SLC15A2: variants seen among roughly 807,000 people sequenced by gnomAD.
SLC15A2 encodes the protein kidney H(+)/peptide cotransporter.
A neutral mutation model predicts 95.5 loss-of-function variants in SLC15A2; 77 were observed. The ratio of observed to expected loss-of-function variants is 0.81; its 90% CI spans 0.67 to 0.97. The LOEUF (loss-of-function observed/expected upper bound fraction) is 0.97. Ranked by LOEUF, SLC15A2 falls within the 50% of genes least tolerant of loss-of-function variation. The pLI, the probability that SLC15A2 is intolerant of heterozygous loss-of-function variation, is 0.00. For missense variants in SLC15A2, 893 were observed against 874.4 expected (o/e 1.02, Z -0.27); for synonymous variants, 306 against 306.9 (o/e 1.00, Z 0.03).
chr3:121,913,119 A>T lies in SLC15A2; in HGVS notation c.527A>T (p.His176Leu). 3.7e-6 allele frequency: 6 copies of T among 1,609,848 alleles called. No homozygotes were observed. Among genetic ancestry groups the T allele is most frequent in the Non-Finnish European group, 5.1e-6 (6 of 1,176,200 alleles). ...AFGGDQFEEK[H>L]AEERTRYFSV... is the part of the protein sequence containing the mutation. ...GGTGGAGACCAGTTTGAAGAAAAAC[A>T]TGTAAGAATCCTGTTATTTTGTATT... The change falls in exon 5 of 22, where the codon CAT (histidine) becomes CTT (leucine). Residue 176 changes from histidine (H) to leucine (L), a missense_variant and splice_region_variant. His to Leu is a moderately conservative substitution (Grantham distance 99, BLOSUM62 -3). Coordinates refer to ENST00000489711, the MANE Select transcript of SLC15A2 (RefSeq NM_021082.4).
chr3:121,912,528 T>C (rs1709789637), intron 4 of SLC15A2, among the ~76,000 whole-genome samples: 1 of 152,210 alleles, frequency 6.6e-6, no homozygotes, highest in African/African-American at 2.4e-5. Flanking sequence ...CCTCTGCACC[T>C]GGCCTTGATA....
intron 21 of SLC15A2, 113 bp downstream of exon 21, chr3:121,940,601 ATGAAATGGG>A: frequency 3.2e-6 from 3 of 952,084 alleles, no homozygotes; most frequent in Non-Finnish European, 4.9e-6. Flanking sequence ...GTGCTGTGAC[ATGAAATGGG>A]TTAGATATAC....
At chr3:121,919,053 A>G (rs1709952817) in intron 7 of SLC15A2, among the ~76,000 whole-genome samples, 1 of 152,074 alleles carries the variant, frequency 6.6e-6, no homozygotes, top group South Asian at 2.1e-4. Flanking sequence ...GTGGCGCCCA[A>G]AAACTCGGAG....
At chr3:121,940,146 C>T (rs1476189173) in intron 20 of SLC15A2, among the ~76,000 whole-genome samples, 4 of 152,098 alleles carry the variant, frequency 2.6e-5, no homozygotes, top group Non-Finnish European at 5.9e-5. Context: ...ACGAATAGAA[C>T]TTATCTCTTA....
Position 121,910,299 on chromosome 3 carries a change from C to T in SLC15A2, c.336-1275C>T, listed in dbSNP as rs546995850. 1.4e-3 allele frequency among the ~76,000 whole-genome samples: 213 copies of T among 150,492 alleles called. 1 individual carries two copies. Among genetic ancestry groups the T allele is most frequent in the Non-Finnish European group, 2.6e-3 (176 of 67,868 alleles). On this transcript the variant is annotated intron_variant, in intron 3 of 21. Transcript: ENST00000489711. ...GCAACCTCTGACTCCCTGGTTCAAGCGATTCTCCTGCCTCAGCCTCCCCGC... is the reference window on the plus strand; with the variant it reads ...GCAACCTCTGACTCCCTGGTTCAAGTGATTCTCCTGCCTCAGCCTCCCCGC...
intron 3 of SLC15A2, among the ~76,000 whole-genome samples, chr3:121,900,708 T>C (rs1709504266): frequency 1.3e-5 from 2 of 152,100 alleles, no homozygotes; most frequent in African/African-American, 4.8e-5. Context: ...TTCCCCACCC[T>C]TTCATGTCCA....
intron 19 of SLC15A2, among the ~76,000 whole-genome samples, chr3:121,932,096 G>T (rs1710245363): frequency 6.6e-6 from 1 of 152,054 alleles, no homozygotes; most frequent in Non-Finnish European, 1.5e-5. Context: ...TAGAGATGGG[G>T]TTTTGCCGTG....
At chr3:121,912,968 C>G (rs1709803759) in intron 4 of SLC15A2, 53 bp from the exon 5 acceptor site, 1 of 1,318,394 alleles carries the variant, frequency 7.6e-7, no homozygotes, top group Non-Finnish European at 1.1e-6. Flanking sequence ...TAGTCCATCT[C>G]TACAGGTGCA....
chr3:121,924,402 G>A lies in SLC15A2; in HGVS notation c.1035+19G>A. ...GATGCAGGTATGTGACTCTTCTATA[G>A]CCATGGGGACTTATTTGTTTCCTTA... On this transcript the variant is annotated intron_variant, in intron 12 of 21. Coordinates refer to ENST00000489711, the MANE Select transcript of SLC15A2 (RefSeq NM_021082.4). 3 of 1,609,844 alleles carry A rather than the reference G, an allele frequency of 1.9e-6. No homozygotes were observed.
At chr3:121,924,461 A>G (rs1219902530) in intron 12 of SLC15A2, 78 bp downstream of exon 12, 2 of 1,242,508 alleles carry the variant, frequency 1.6e-6, no homozygotes, top group East Asian at 2.3e-5. Context: ...ACGATTAACA[A>G]CCATAATTTG....
chr3:121,932,760 A>AT (rs1269305899), intron 19 of SLC15A2, among the ~76,000 whole-genome samples: 1 of 151,856 alleles, frequency 6.6e-6, no homozygotes, highest in Non-Finnish European at 1.5e-5. Flanking sequence ...TTGGTGTGCC[A>AT]TTTTTTTTCT....
Position 121,915,278 on chromosome 3 carries a change from G to C in SLC15A2, c.580G>C (p.Gly194Arg), listed in dbSNP as rs1399081907. The C allele has an allele frequency of 6.2e-7, 1 of 1,613,826 alleles. No individual in the cohort carries two copies. Among genetic ancestry groups the C allele is most frequent in the East Asian group, 2.2e-5 (1 of 44,878 alleles). ...AGTCTTCTACCTGTCCATCAATGCA[G>C]GGAGCTTGATTTCTACATTTATCAC... Reference protein sequence around the residue: ...FSVFYLSINAGSLISTFITPM... With the variant: ...FSVFYLSINARSLISTFITPM... Residue 194 changes from glycine (G) to arginine (R), a missense_variant, in exon 6 of 22, where the codon GGG (glycine) becomes CGG (arginine). By Grantham distance (125) the Gly-to-Arg change is moderately radical (BLOSUM62 -2). Coordinates refer to ENST00000489711, the MANE Select transcript of SLC15A2 (RefSeq NM_021082.4).
chr3:121,924,241 T>G, intron 11 of SLC15A2, 110 bp from the exon 12 acceptor site: 1 of 874,710 alleles, frequency 1.1e-6, no homozygotes, highest in Non-Finnish European at 1.9e-6. Flanking sequence ...CCTGATGAAT[T>G]TTCTCTCATA....
chr3:121,939,729 G>T (rs542923735), intron 20 of SLC15A2, among the ~76,000 whole-genome samples: 1 of 152,234 alleles, frequency 6.6e-6, no homozygotes, highest in South Asian at 2.1e-4. Context: ...ATGAAGAGCT[G>T]CAGAGTCAGA....
chr3:121,929,417 G>T, intron 17 of SLC15A2, 69 bp downstream of exon 17: 1 of 1,507,554 alleles, frequency 6.6e-7, no homozygotes, highest in Non-Finnish European at 9.2e-7. Context: ...AATCTTTGGG[G>T]CTGCATTCTA....
At chr3:121,913,531 A>G (rs1709817582) in intron 5 of SLC15A2, among the ~76,000 whole-genome samples, 1 of 152,206 alleles carries the variant, frequency 6.6e-6, no homozygotes, top group Admixed American at 6.5e-5. Context: ...AGTTTACTCT[A>G]ACTTGAGGTA....
At chr3:121,904,579 G>A (rs138405356) in intron 3 of SLC15A2, among the ~76,000 whole-genome samples, 181 of 152,170 alleles carry the variant, frequency 1.2e-3, no homozygotes, top group East Asian at 7.7e-3. Flanking sequence ...GATTTTTGTC[G>A]AAGGCCTTTT....
chr3:121,924,296 A>AT (rs3215371), intron 11 of SLC15A2, 55 bp from the exon 12 acceptor site: 597,815 of 1,404,260 alleles, frequency 0.43, 118,679 homozygotes, highest in East Asian at 0.69. Flanking sequence ...CTAGGCCAAC[A>AT]TTTTTTTTTC....
intron 3 of SLC15A2, among the ~76,000 whole-genome samples, chr3:121,907,976 C>A (rs1161218992): frequency 6.6e-6 from 1 of 152,212 alleles, no homozygotes; most frequent in Non-Finnish European, 1.5e-5. Context: ...ATGCCCTGAC[C>A]CCAGAGGTGG....
Sources: allele counts gnomAD v4.1 joint callset (sites outside exome capture counted in the v4.1 genomes callset), GRCh38; gene constraint gnomAD v4.1.1; transcripts MANE v1.5; gene names NCBI Gene and HGNC (gene_info 2026-07-23, HGNC 2026-07-21).